RABGAP1L: variants seen among roughly 807,000 people sequenced by gnomAD.
The protein encoded by RABGAP1L is RAB GTPase activating protein 1 like.
In RABGAP1L, 63 loss-of-function variants were observed where a neutral mutation model predicts 137.7. That is an observed-to-expected ratio of 0.46 (90% CI 0.37 to 0.56). The LOEUF (loss-of-function observed/expected upper bound fraction) is 0.56, where lower values mean the gene tolerates loss of function less well. Among genes scored for constraint, RABGAP1L ranks in the 20% least tolerant of loss-of-function variants. The pLI is 0.00. For synonymous variants in RABGAP1L, 431 were observed against 433.7 expected (o/e 0.99, Z 0.08); for missense variants, 1,095 against 1,244.0 (o/e 0.88, Z 1.80).
chr1:174,631,814 T>C (rs980529833), intron 13 of RABGAP1L, among the ~76,000 whole-genome samples: 5 of 151,066 alleles, frequency 3.3e-5, no homozygotes, highest in African/African-American at 1.2e-4. Context: ...GTTTCCTGAA[T>C]ACAGCACACT....
intron 13 of RABGAP1L, among the ~76,000 whole-genome samples, chr1:174,456,442 A>AT (rs60930429): frequency 2.6e-5 from 4 of 151,310 alleles, no homozygotes; most frequent in Non-Finnish European, 4.4e-5. Context: ...TATGTTTTGA[A>AT]TTTTTTTTTG....
rs1323206438 is a variant in RABGAP1L at position 174,349,447 on chromosome 1, G to A, written c.1466-21532G>A. On this transcript the variant is annotated intron_variant, in intron 11 of 25. Transcript: ENST00000681986. ...TCCCTCCCGGACGAGGCGGCTGGCC[G>A]GGCGTGGGGCTGACCCCCCCACCTC... 9.0e-5 allele frequency among the ~76,000 whole-genome samples: 12 copies of A among 133,052 alleles called. No individual in the cohort carries two copies. The East Asian group carries it at 2.3e-3, about 26-fold the overall frequency. The allele number at this position is 133,052 out of a possible 152,430, so 87.3% of individuals were successfully genotyped here.
chr1:174,684,522 G>A (rs546058708), intron 15 of RABGAP1L, among the ~76,000 whole-genome samples: 2 of 152,310 alleles, frequency 1.3e-5, no homozygotes, highest in Non-Finnish European at 2.9e-5. Flanking sequence ...ACTTTGTAAT[G>A]TGTCAAAAAT....
chr1:174,621,009 C>G (rs1672401738), intron 13 of RABGAP1L, among the ~76,000 whole-genome samples: 1 of 152,166 alleles, frequency 6.6e-6, no homozygotes, highest in Non-Finnish European at 1.5e-5. Context: ...ACAAATACCT[C>G]TACACAAATA....
chr1:174,814,845 C>T (rs758456825), intron 19 of RABGAP1L, among the ~76,000 whole-genome samples: 3 of 152,048 alleles, frequency 2.0e-5, no homozygotes, highest in East Asian at 1.9e-4. Context: ...TGTGCCACCA[C>T]GCCTGGCTAT....
chr1:174,266,104 G>C (rs1215195193), intron 7 of RABGAP1L, among the ~76,000 whole-genome samples: 3 of 152,118 alleles, frequency 2.0e-5, no homozygotes, highest in Non-Finnish European at 4.4e-5. Context: ...AGGATAAATA[G>C]CTATAGAGTA....
At chr1:174,181,294 CTG>C (rs1666333451) in intron 1 of RABGAP1L, among the ~76,000 whole-genome samples, 1 of 151,646 alleles carries the variant, frequency 6.6e-6, no homozygotes, top group African/African-American at 2.4e-5. Flanking sequence ...GCATGTGCCA[CTG>C]TGCCTAGCTA....
chr1:174,295,882 A>T (rs973257865), intron 10 of RABGAP1L, among the ~76,000 whole-genome samples: 9 of 152,172 alleles, frequency 5.9e-5, no homozygotes, highest in Non-Finnish European at 1.2e-4. Context: ...AAGCAGTTGG[A>T]TATTTGTAAC....
chr1:174,930,505 T>G lies in RABGAP1L; in HGVS notation c.2341-26952T>G, dbSNP rs79090853. ...GCTAATTTTTTATTTTTTGTAGAGA[T>G]AGGGTTTCACTGTGTTCTCCAGGCT... On this transcript the variant is annotated intron_variant, in intron 19 of 25. Transcript: ENST00000681986. 5.8e-3 allele frequency among the ~76,000 whole-genome samples: 882 copies of G among 152,106 alleles called. 8 individuals are homozygous for G. The highest frequency in any genetic ancestry group is 0.02 in the African/African-American group (841 of 41,488).
Position 174,707,336 on chromosome 1 carries a change from T to G in RABGAP1L, c.2169+5080T>G, listed in dbSNP as rs1680131778. Among the ~76,000 whole-genome samples, 4 of 152,316 alleles carry G rather than the reference T, an allele frequency of 2.6e-5. No individual in the cohort carries two copies. The South Asian group carries it at 6.2e-4, about 24-fold the overall frequency. ...CATTTGGTGATTGGAATGATTGACC[T>G]GATCTCTGAAGTTGCATACAGGCAG... On this transcript the variant is annotated intron_variant, in intron 17 of 25. Transcript: ENST00000681986.
rs372301772 is a variant in RABGAP1L, at chr1:174,189,916, G to A, written c.-33-29209G>A. Among the ~76,000 whole-genome samples, 42 of 152,262 alleles carry A rather than the reference G, an allele frequency of 2.8e-4. No homozygotes were observed. The Middle Eastern group carries it at 0.01, about 37-fold the overall frequency. On this transcript the variant is annotated intron_variant, in intron 1 of 25. Transcript: ENST00000681986. ...TCTGTCTCCAAACAAAAAGAAAAAA[G>A]GAAGAGAGACCTGAGCTAGCATATT... is the stretch of plus-strand genomic sequence containing the variant.
intron 11 of RABGAP1L, among the ~76,000 whole-genome samples, chr1:174,365,489 C>A (rs893430296): frequency 6.6e-6 from 1 of 151,998 alleles, no homozygotes; most frequent in Non-Finnish European, 1.5e-5. Context: ...TTGAGGCTTG[C>A]TGAGCAACTC....
chr1:174,499,102 A>G (rs969609850), intron 13 of RABGAP1L, among the ~76,000 whole-genome samples: 21 of 151,912 alleles, frequency 1.4e-4, no homozygotes, highest in African/African-American at 4.8e-5. Context: ...AACTGGGGGG[A>G]AAATTAAAAA....
intron 17 of RABGAP1L, among the ~76,000 whole-genome samples, chr1:174,719,132 C>A (rs1186783530): frequency 6.6e-6 from 1 of 152,120 alleles, no homozygotes; most frequent in Non-Finnish European, 1.5e-5. Flanking sequence ...AGCCACCGCA[C>A]CCGGCCTATA....
chr1:174,874,620 G>A (rs1051251996), intron 19 of RABGAP1L: 1 of 564,222 alleles, frequency 1.8e-6, no homozygotes, highest in African/African-American at 2.2e-5. Context: ...CAGTTGCGTG[G>A]TGTGAAGGCG....
chr1:174,922,508 C>G (rs1165987810), intron 19 of RABGAP1L: 2 of 152,216 alleles, frequency 1.3e-5, no homozygotes, highest in African/African-American at 4.8e-5. Context: ...TGACATGTTC[C>G]TTAGACAGTG....
chr1:174,258,307 C>T (rs531205464), intron 7 of RABGAP1L, among the ~76,000 whole-genome samples: 6 of 152,306 alleles, frequency 3.9e-5, no homozygotes, highest in East Asian at 1.9e-4. Context: ...TTTTGTTAGA[C>T]TGGGTCTCAC....
intron 19 of RABGAP1L, among the ~76,000 whole-genome samples, chr1:174,822,793 C>T (rs764696524): frequency 1.4e-4 from 21 of 152,196 alleles, no homozygotes; most frequent in South Asian, 8.3e-4. Context: ...GGTACTGGTC[C>T]GCTGCCTGGT....
At chr1:174,621,686 T>C (rs1031883855) in intron 13 of RABGAP1L, among the ~76,000 whole-genome samples, 5 of 152,136 alleles carry the variant, frequency 3.3e-5, no homozygotes, top group Non-Finnish European at 5.9e-5. Context: ...TCCTTACACC[T>C]TATACAAAAA....
Sources: allele counts gnomAD v4.1 joint callset (sites outside exome capture counted in the v4.1 genomes callset), GRCh38; gene constraint gnomAD v4.1.1; transcripts MANE v1.5; gene names NCBI Gene and HGNC (gene_info 2026-07-23, HGNC 2026-07-21).